DR1: variants seen among roughly 807,000 people sequenced by gnomAD.
The protein encoded by DR1 is protein Dr1.
In DR1, 7 loss-of-function variants were observed where a neutral mutation model predicts 19.9. That is an observed-to-expected ratio of 0.35 (90% CI 0.20 to 0.66). The LOEUF (loss-of-function observed/expected upper bound fraction) is 0.66, where lower values mean the gene tolerates loss of function less well. Ranked by LOEUF, DR1 falls within the 30% of genes least tolerant of loss-of-function variation. DR1 has a pLI of 0.66. For missense variants in DR1, 98 were observed against 203.7 expected (o/e 0.48, Z 3.16); for synonymous variants, 76 against 72.5 (o/e 1.05, Z -0.24).
chr1:93,363,520 C>T lies in DR1; in HGVS notation c.*2881C>T, dbSNP rs920939696. 2.0e-5 allele frequency: 3 copies of T among 152,286 alleles called. No individual in the cohort carries two copies. Among genetic ancestry groups the T allele is most frequent in the African/African-American group, 4.8e-5 (2 of 41,560 alleles). 9.4% of individuals were successfully genotyped at this position (152,286 alleles called of 1,614,324 possible). On this transcript the variant is annotated 3_prime_UTR_variant, in exon 3 of 3. Transcript: ENST00000370272. ...TCTTCCCTTTTTTGGCTTCCAGTGA[C>T]GGCCTGTATTTATGGGCTTGTGACC... is the stretch of plus-strand genomic sequence containing the variant.
rs1178592810 is a variant in DR1, at chr1:93,363,370, TAAAAC to T, written c.*2734_*2738del. Reference sequence around the variant, plus strand: ...ACAAACTACCACAAACTTAGTGACTTAAAACAACACAGATTTATTCTTTTATAGTC... The same window carrying T: ...ACAAACTACCACAAACTTAGTGACTTAACACAGATTTATTCTTTTATAGTC... On this transcript the variant is annotated 3_prime_UTR_variant, in exon 3 of 3. Coordinates refer to ENST00000370272, the MANE Select transcript of DR1 (RefSeq NM_001938.3). The T allele has an allele frequency of 1.3e-5, 2 of 152,296 alleles. No individual in the cohort carries two copies. The highest frequency in any genetic ancestry group is 1.3e-4 in the Admixed American group (2 of 15,284). The allele number at this position is 152,296 out of a possible 1,614,324, so 9.4% of individuals were successfully genotyped here.
intron 1 of DR1, among the ~76,000 whole-genome samples, chr1:93,353,459 A>G (rs1379540585): frequency 6.6e-6 from 1 of 152,192 alleles, no homozygotes; most frequent in African/African-American, 2.4e-5. Context: ...TCCTGTTGGT[A>G]TATTGGACAA....
At chr1:93,347,622 T>A (rs1666868831) in intron 1 of DR1, among the ~76,000 whole-genome samples, 2 of 151,936 alleles carry the variant, frequency 1.3e-5, no homozygotes, top group African/African-American at 2.4e-5. Flanking sequence ...CGTCCTTTCC[T>A]GCTGTCATTC....
rs1306182117 is a variant in DR1 at position 93,360,646 on chromosome 1, C to T, written c.*7C>T. On this transcript the variant is annotated 3_prime_UTR_variant, in exon 3 of 3. Coordinates refer to ENST00000370272, the MANE Select transcript of DR1 (RefSeq NM_001938.3). The stretch of plus-strand genomic sequence containing the variant: ...AGATGATGATGATATCTGAAATTCA[C>T]CAGCTGAGTTTCTATTTCTTCTATA... The T allele has an allele frequency of 2.7e-5, 42 of 1,578,188 alleles. No homozygotes were observed. Among genetic ancestry groups the T allele is most frequent in the Non-Finnish European group, 3.5e-5 (41 of 1,168,150 alleles).
chr1:93,346,990 CT>C (rs1666853408), intron 1 of DR1, 125 bp downstream of exon 1: 5 of 862,378 alleles, frequency 5.8e-6, no homozygotes, highest in Non-Finnish European at 5.4e-6. Context: ...AAAAGCCAGA[CT>C]GGCATGTAGG....
In DR1 at chr1:93,366,389, G is replaced by A. The variant is rs1232436936; in HGVS notation, c.*5750G>A. 6.6e-6 allele frequency: 1 copy of A among 152,112 alleles called. No homozygotes were observed. The highest frequency in any genetic ancestry group is 1.5e-5 in the Non-Finnish European group (1 of 68,024). The allele number at this position is 152,112 out of a possible 1,614,324, so 9.4% of individuals were successfully genotyped here. On this transcript the variant is annotated 3_prime_UTR_variant, in exon 3 of 3. Coordinates refer to ENST00000370272, the MANE Select transcript of DR1 (RefSeq NM_001938.3). ...ACAAATAACTGTTTGAGTCCTAATA[G>A]GCTTGTTATTTTTGAGTGCACAGAT...
In DR1 at chr1:93,369,242, T is replaced by C. The variant is rs1667205400; in HGVS notation, c.*8603T>C. The C allele has an allele frequency of 1.3e-5, 2 of 152,126 alleles. No homozygotes were observed. Among genetic ancestry groups the C allele is most frequent in the Non-Finnish European group, 1.5e-5 (1 of 68,004 alleles). The allele number at this position is 152,126 out of a possible 1,614,324, so 9.4% of individuals were successfully genotyped here. ...CCACTAGAACTTTTTTCCCCAAAAA[T>C]ACTCTGGAAATACTGGAACAAATAC... is the stretch of plus-strand genomic sequence containing the variant. On this transcript the variant is annotated 3_prime_UTR_variant, in exon 3 of 3. Transcript: ENST00000370272.
Position 93,362,123 on chromosome 1 carries a change from A to G in DR1, c.*1484A>G, listed in dbSNP as rs1229053911. ...AGTTTTATAACTGTTAGGTTTCTTAATGATCATATTTTGCAGTTTTAGTAA... is the reference window on the plus strand; with the variant it reads ...AGTTTTATAACTGTTAGGTTTCTTAGTGATCATATTTTGCAGTTTTAGTAA... On this transcript the variant is annotated 3_prime_UTR_variant, in exon 3 of 3. Coordinates refer to ENST00000370272, the MANE Select transcript of DR1 (RefSeq NM_001938.3). 1.3e-5 allele frequency: 2 copies of G among 152,434 alleles called. No homozygotes were observed. The allele number at this position is 152,434 out of a possible 1,614,324, so 9.4% of individuals were successfully genotyped here.
At chr1:93,358,858 G>A (rs983498992) in intron 2 of DR1, among the ~76,000 whole-genome samples, 6 of 152,098 alleles carry the variant, frequency 3.9e-5, no homozygotes, top group Admixed American at 3.9e-4. Flanking sequence ...ATTATACACT[G>A]ACTGATGCCA....
rs1667098890 is a variant in DR1, at chr1:93,364,842, C to CTTTCT, written c.*4206_*4207insCTTTT. ...ATGTTTCCTTTTTCTTTTTTCTTTT[C>CTTTCT]TTTTCTTTCTTTTTTTTTTTTTTTT... On this transcript the variant is annotated 3_prime_UTR_variant, in exon 3 of 3. Coordinates refer to ENST00000370272, the MANE Select transcript of DR1 (RefSeq NM_001938.3). 4 of 79,762 alleles carry CTTTCT rather than the reference C, an allele frequency of 5.0e-5. No individual in the cohort carries two copies. The highest frequency in any genetic ancestry group is 5.3e-4 in the South Asian group (1 of 1,898). The allele number at this position is 79,762 out of a possible 1,614,324, so 4.9% of individuals were successfully genotyped here. A position where few individuals can be genotyped will look rare whatever the true frequency, so the allele number is the denominator to read the frequency against.
intron 1 of DR1, among the ~76,000 whole-genome samples, chr1:93,353,411 T>G (rs1196950287): frequency 6.6e-6 from 1 of 152,212 alleles, no homozygotes; most frequent in Admixed American, 6.5e-5. Flanking sequence ...ACCAGTATTT[T>G]TTAAACTTGG....
chr1:93,348,643 A>G (rs974841670), intron 1 of DR1, among the ~76,000 whole-genome samples: 14 of 152,162 alleles, frequency 9.2e-5, no homozygotes, highest in Non-Finnish European at 1.8e-4. Context: ...TGCTAAATTC[A>G]GTTTAATGTG....
intron 2 of DR1, among the ~76,000 whole-genome samples, chr1:93,357,770 C>T (rs6541360): frequency 0.079 from 12,027 of 152,020 alleles, 1,560 homozygotes; most frequent in African/African-American, 0.27. Context: ...AGCTTTTCTT[C>T]TTCCACTTCA....
At chr1:93,346,926 T>C in intron 1 of DR1, 61 bp downstream of exon 1, 3 of 1,435,356 alleles carry the variant, frequency 2.1e-6, no homozygotes, top group Non-Finnish European at 2.9e-6. Flanking sequence ...GCTAATCGCG[T>C]GACCCTTTCG....
intron 1 of DR1, among the ~76,000 whole-genome samples, chr1:93,351,005 G>A (rs1470967246): frequency 6.6e-6 from 1 of 152,172 alleles, no homozygotes; most frequent in African/African-American, 2.4e-5. Flanking sequence ...CCTCTAGTAT[G>A]TTGTGTACTG....
In DR1 at chr1:93,346,412, C is replaced by G. The variant is rs924434957; in HGVS notation, c.-234C>G. On this transcript the variant is annotated 5_prime_UTR_variant, in exon 1 of 3. Transcript: ENST00000370272. Reference sequence around the variant, plus strand: ...TCCCCTCCTCAGCCTGGGCTGTGCTCTCTCTAGAATCCTCGGGCCCCCACT... The same window carrying G: ...TCCCCTCCTCAGCCTGGGCTGTGCTGTCTCTAGAATCCTCGGGCCCCCACT... 15 of 545,700 alleles carry G rather than the reference C, an allele frequency of 2.7e-5. No homozygotes were observed. The highest frequency in any genetic ancestry group is 4.3e-5 in the Non-Finnish European group (13 of 303,558). The allele number at this position is 545,700 out of a possible 1,614,324, so 33.8% of individuals were successfully genotyped here.
intron 2 of DR1, chr1:93,355,921 A>G (rs1209354345): frequency 6.6e-6 from 1 of 152,210 alleles, no homozygotes; most frequent in Non-Finnish European, 1.5e-5. Flanking sequence ...TGACAGCCTC[A>G]TTTGAAGCTA....
intron 1 of DR1, 124 bp from the exon 2 acceptor site, chr1:93,353,784 T>G (rs1301177866): frequency 4.3e-6 from 3 of 702,680 alleles, no homozygotes; most frequent in Non-Finnish European, 6.6e-6. Flanking sequence ...ATAGGTAAAA[T>G]TATTAGAAAA....
Position 93,364,285 on chromosome 1 carries a change from T to G in DR1, c.*3646T>G, listed in dbSNP as rs1667092397. On this transcript the variant is annotated 3_prime_UTR_variant, in exon 3 of 3. Coordinates refer to ENST00000370272, the MANE Select transcript of DR1 (RefSeq NM_001938.3). ...TGACACATTAGTATTACATACTCAT[T>G]AGGTTATTGCTCCTTAGAAAAAATG... 1.3e-5 allele frequency: 2 copies of G among 152,206 alleles called. No homozygotes were observed. The allele number at this position is 152,206 out of a possible 1,614,324, so 9.4% of individuals were successfully genotyped here.
Sources: allele counts gnomAD v4.1 joint callset (sites outside exome capture counted in the v4.1 genomes callset), GRCh38; gene constraint gnomAD v4.1.1; transcripts MANE v1.5; gene names NCBI Gene and HGNC (gene_info 2026-07-23, HGNC 2026-07-21).